NDST1: variants seen among roughly 807,000 people sequenced by gnomAD.
NDST1 encodes bifunctional heparan sulfate N-deacetylase/N-sulfotransferase 1.
A neutral mutation model predicts 92.8 loss-of-function variants in NDST1; 35 were observed. That is an observed-to-expected ratio of 0.38 (90% CI 0.29 to 0.50). NDST1 has a LOEUF of 0.50. NDST1 is among the 20% of genes least tolerant of loss of function. The pLI is 0.94. For missense variants in NDST1, 822 were observed against 1,182.7 expected (o/e 0.69, Z 4.47); for synonymous variants, 493 against 500.3 (o/e 0.99, Z 0.19).
Position 150,524,443 on chromosome 5 carries a change from G to A in NDST1, c.513+2676G>A, listed in dbSNP as rs138849274. Among the ~76,000 whole-genome samples, 695 of 152,348 alleles carry A rather than the reference G, an allele frequency of 4.6e-3. 2 individuals are homozygous for A. The highest frequency in any genetic ancestry group is 0.016 in the African/African-American group (674 of 41,582). ...TGGATCCCTACTTCCTGGCACTGTC[G>A]TGCCTCAACCTTGAAATTCCAGGTG... On this transcript the variant is annotated intron_variant, in intron 2 of 14. Transcript: ENST00000261797.
At chr5:150,534,684 A>C (rs1161668582) in intron 4 of NDST1, among the ~76,000 whole-genome samples, 183 bp from the exon 5 acceptor site, 2 of 152,162 alleles carry the variant, frequency 1.3e-5, no homozygotes, top group Non-Finnish European at 1.5e-5. Context: ...TCAAGGGCAC[A>C]CTCTAGACTA....
intron 5 of NDST1, chr5:150,535,224 A>G (rs1317430804): frequency 4.6e-6 from 4 of 876,390 alleles, no homozygotes; most frequent in Non-Finnish European, 5.5e-6. Flanking sequence ...ACAAGAAACC[A>G]AGGCTCAGGG....
intron 8 of NDST1, among the ~76,000 whole-genome samples, chr5:150,541,074 A>G (rs1027443829): frequency 1.3e-5 from 2 of 152,210 alleles, no homozygotes; most frequent in Non-Finnish European, 2.9e-5. Flanking sequence ...ACCGTGACTC[A>G]TGGGCCAAAA....
Position 150,541,653 on chromosome 5 carries a change from C to T in NDST1, c.1833C>T (p.Gly611=), listed in dbSNP as rs1166869348. 3.1e-6 allele frequency: 5 copies of T among 1,613,936 alleles called. No homozygotes were observed. The highest frequency in any genetic ancestry group is 4.2e-6 in the Non-Finnish European group (5 of 1,179,950). The part of the protein sequence containing the change: ...CDRFPKLLII[G]PQKTGTTALY... ...GCTTCCCAAAGCTCCTCATCATCGG[C>T]CCCCAGAAAACAGGCAGGTCTCTCT... The change falls in exon 9 of 15, where the codon GGC becomes GGT. Residue 611 remains glycine (G), a synonymous_variant. Coordinates refer to ENST00000261797, the MANE Select transcript of NDST1 (RefSeq NM_001543.5).
intron 11 of NDST1, among the ~76,000 whole-genome samples, chr5:150,546,864 C>A (rs1480074362): frequency 6.6e-6 from 1 of 152,230 alleles, no homozygotes; most frequent in Non-Finnish European, 1.5e-5. Flanking sequence ...TTTCCTGTGG[C>A]TTTTTCTTTA....
intron 1 of NDST1, among the ~76,000 whole-genome samples, chr5:150,512,397 C>G (rs1480036116): frequency 6.6e-6 from 1 of 152,218 alleles, no homozygotes; most frequent in Non-Finnish European, 1.5e-5. Context: ...GACATAAAAC[C>G]TTGGGTTCCA....
intron 3 of NDST1, 131 bp downstream of exon 3, chr5:150,528,429 T>A (rs1754568517): frequency 9.7e-7 from 1 of 1,034,946 alleles, no homozygotes; most frequent in African/African-American, 1.6e-5. Flanking sequence ...ACAGTCCCAC[T>A]CTGCTTCCTG....
intron 12 of NDST1, among the ~76,000 whole-genome samples, chr5:150,549,059 T>C (rs1243175116): frequency 6.6e-6 from 1 of 152,218 alleles, no homozygotes; most frequent in Non-Finnish European, 1.5e-5. Context: ...TCTCCCAGGC[T>C]GGAGTGCAGT....
chr5:150,539,833 A>G, intron 7 of NDST1: 1 of 964,240 alleles, frequency 1.0e-6, no homozygotes, highest in African/African-American at 1.8e-5. Context: ...TTACAAAATA[A>G]AACCCAAATA....
chr5:150,508,408 C>T (rs1753567632), intron 1 of NDST1, among the ~76,000 whole-genome samples, 182 bp downstream of exon 1: 1 of 151,924 alleles, frequency 6.6e-6, no homozygotes, highest in Non-Finnish European at 1.5e-5. Flanking sequence ...CTGGGTCCTG[C>T]CTTCATTCCA....
chr5:150,523,665 C>T (rs1380599960), intron 2 of NDST1, among the ~76,000 whole-genome samples: 1 of 152,216 alleles, frequency 6.6e-6, no homozygotes, highest in East Asian at 1.9e-4. Flanking sequence ...AGGCCACACC[C>T]AGTGCACAGA....
chr5:150,529,412 A>G (rs1043449203), intron 3 of NDST1, among the ~76,000 whole-genome samples: 11 of 151,180 alleles, frequency 7.3e-5, no homozygotes, highest in Admixed American at 2.6e-4. Flanking sequence ...AAAAAAAAAA[A>G]AGTTTTTACT....
chr5:150,501,555 T>TC (rs1363791812), intron 1 of NDST1, among the ~76,000 whole-genome samples: 10 of 152,316 alleles, frequency 6.6e-5, no homozygotes, highest in South Asian at 4.1e-4. Flanking sequence ...GAGTCTTGTA[T>TC]CAGCCTCTAG....
intron 2 of NDST1, among the ~76,000 whole-genome samples, chr5:150,522,073 T>C (rs1754262060): frequency 6.6e-6 from 1 of 152,270 alleles, no homozygotes; most frequent in Admixed American, 6.5e-5. Flanking sequence ...CTCTGCTAGG[T>C]GCCCCAAAAT....
intron 1 of NDST1, among the ~76,000 whole-genome samples, chr5:150,516,214 C>G (rs1405830204): frequency 2.0e-5 from 3 of 152,290 alleles, no homozygotes; most frequent in Admixed American, 2.0e-4. Context: ...CCTGCCTCAG[C>G]CCTTGCTCTC....
intron 10 of NDST1, among the ~76,000 whole-genome samples, chr5:150,543,212 G>C (rs550164877): frequency 6.6e-6 from 1 of 152,236 alleles, no homozygotes; most frequent in Non-Finnish European, 1.5e-5. Flanking sequence ...CGCTGAGGTC[G>C]AAGTCCACCC....
At chr5:150,519,830 C>A (rs193216357) in intron 1 of NDST1, among the ~76,000 whole-genome samples, 1 of 152,198 alleles carries the variant, frequency 6.6e-6, no homozygotes, top group South Asian at 2.1e-4. Context: ...GCCTTTGTGT[C>A]GTGTATGTAC....
intron 2 of NDST1, among the ~76,000 whole-genome samples, chr5:150,524,751 T>C (rs941937700): frequency 6.6e-6 from 1 of 152,268 alleles, no homozygotes; most frequent in African/African-American, 2.4e-5. Flanking sequence ...TGCATTCTAC[T>C]TACCAGTTGA....
In NDST1 at chr5:150,528,278, A is replaced by G; in HGVS notation, c.988A>G (p.Met330Val). 2 of 1,601,818 alleles carry G rather than the reference A, an allele frequency of 1.2e-6. No individual in the cohort carries two copies. Among genetic ancestry groups the G allele is most frequent in the Non-Finnish European group, 1.7e-6 (2 of 1,170,526 alleles). ...CTTCGTGGGCAAGGAGGGCACACGC[A>G]TGAAGGTGGAGGACGTGAAGGTATG... Reference protein sequence around the residue: ...DIFVGKEGTRMKVEDVKALFD... With the variant: ...DIFVGKEGTRVKVEDVKALFD... The change falls in exon 3 of 15, where the codon ATG (methionine) becomes GTG (valine). Residue 330 changes from methionine to valine, a missense_variant. Met to Val is a conservative substitution (Grantham distance 21). Coordinates refer to ENST00000261797, the MANE Select transcript of NDST1 (RefSeq NM_001543.5).
Sources: gnomAD v4.1 joint callset for allele counts (sites outside exome capture counted in the v4.1 genomes callset) on GRCh38, gnomAD v4.1.1 for gene constraint, MANE v1.5 for transcripts, NCBI Gene and HGNC (gene_info 2026-07-23, HGNC 2026-07-21) for gene names.